Variants in FCRL5 observed in about 807,000 individuals in gnomAD.
FCRL5 encodes the protein Fc receptor-like protein 5.
A neutral mutation model predicts 92.1 loss-of-function variants in FCRL5; 79 were observed. The observed-to-expected ratio is 0.86, with a 90% CI of 0.72 to 1.03. FCRL5 has a LOEUF of 1.03. Ranked by LOEUF, FCRL5 falls within the 50% of genes least tolerant of loss-of-function variation. The pLI, the probability that FCRL5 is intolerant of heterozygous loss-of-function variation, is 0.00. For synonymous variants in FCRL5, 466 were observed against 469.3 expected (o/e 0.99, Z 0.09); for missense variants, 1,160 against 1,181.1 (o/e 0.98, Z 0.26).
intron 8 of FCRL5, among the ~76,000 whole-genome samples, chr1:157,530,745 T>A (rs1650660037): frequency 6.6e-6 from 1 of 152,258 alleles, no homozygotes; most frequent in African/African-American, 2.4e-5. Flanking sequence ...TAATGGATGT[T>A]TGGGATGTTG....
At chr1:157,516,145 T>C in intron 15 of FCRL5, 1 of 576,824 alleles carries the variant, frequency 1.7e-6, no homozygotes, top group Non-Finnish European at 3.1e-6. Flanking sequence ...TCATTTGTCT[T>C]TTATCTTGTT....
chr1:157,534,956 G>A lies in FCRL5; in HGVS notation c.1403-64C>T, dbSNP rs1650899492. The A allele has an allele frequency of 1.4e-5, 20 of 1,466,314 alleles. No homozygotes were observed. The South Asian group carries it at 2.7e-4, about 19-fold the overall frequency. 90.8% of individuals were successfully genotyped at this position (1,466,314 alleles called of 1,614,324 possible). ...CTCTTACTGTAGATTTCAACACTTG[G>A]CCAGTGCAGATGCCCAGTCTCCAGT... On this transcript the variant is annotated intron_variant, in intron 7 of 16. Transcript: ENST00000361835.
chr1:157,526,106 A>G (rs1558130102), intron 9 of FCRL5, among the ~76,000 whole-genome samples: 1 of 152,232 alleles, frequency 6.6e-6, no homozygotes, highest in Non-Finnish European at 1.5e-5. Context: ...GTTTTCTATA[A>G]AAGGAGGAGC....
Position 157,515,833 on chromosome 1 carries a change from G to C in FCRL5, c.2844+9C>G. 1 of 1,614,082 alleles carries C rather than the reference G, an allele frequency of 6.2e-7. No individual in the cohort carries two copies. Among genetic ancestry groups the C allele is most frequent in the Non-Finnish European group, 8.5e-7 (1 of 1,180,010 alleles). ...GGGTGGGGGAGGGCATGCAGAAGGG[G>C]AGACTCACCTTGTTCCTGAGATGCC... On this transcript the variant is annotated intron_variant, in intron 16 of 16. Coordinates refer to ENST00000361835, the MANE Select transcript of FCRL5 (RefSeq NM_031281.3).
At chr1:157,518,326 G>GC (rs1441303023) in intron 15 of FCRL5, 103 bp downstream of exon 15, 1 of 962,616 alleles carries the variant, frequency 1.0e-6, no homozygotes, top group African/African-American at 1.6e-5. Flanking sequence ...AGTGGGAGGG[G>GC]CGGCTCTATG....
intron 3 of FCRL5, 35 bp from the exon 4 acceptor site, chr1:157,545,117 C>A: frequency 6.3e-7 from 1 of 1,581,854 alleles, no homozygotes; most frequent in Non-Finnish European, 8.5e-7. Flanking sequence ...TTGGTTCATC[C>A]TACTGTTTCC....
Position 157,543,086 on chromosome 1 carries a change from A to C in FCRL5, c.896T>G (p.Phe299Cys), listed in dbSNP as rs1235051338. 2.5e-6 allele frequency: 4 copies of C among 1,614,102 alleles called. No homozygotes were observed. The highest frequency in any genetic ancestry group is 3.4e-6 in the Non-Finnish European group (4 of 1,180,038). Residue 299 changes from phenylalanine to cysteine, a missense_variant, in exon 6 of 17, where the codon TTT becomes TGT. Coordinates refer to ENST00000361835, the MANE Select transcript of FCRL5 (RefSeq NM_031281.3). ...GTGAAGTGTCACCTTGGTTCCCTCA[A>C]AATTCAGAGCCTTTTCAGGGCTGAG... ...LTLSPEKALN[F>C]EGTKVTLHCE...
At chr1:157,524,596 T>C in intron 9 of FCRL5, 39 bp from the exon 10 acceptor site, 5 of 1,529,448 alleles carry the variant, frequency 3.3e-6, no homozygotes, top group South Asian at 2.6e-5. Context: ...CTGCTTCTGC[T>C]AAAATATATT....
intron 6 of FCRL5, 70 bp from the exon 7 acceptor site, chr1:157,539,434 A>G: frequency 7.0e-7 from 1 of 1,435,894 alleles, no homozygotes; most frequent in Non-Finnish European, 9.3e-7. Flanking sequence ...AAGGAAAATA[A>G]ATCTTGGGAA....
chr1:157,543,773 A>G (rs1651385031), intron 5 of FCRL5, among the ~76,000 whole-genome samples: 1 of 152,222 alleles, frequency 6.6e-6, no homozygotes, highest in Non-Finnish European at 1.5e-5. Flanking sequence ...TCTGGGGTGC[A>G]TATTTGTACT....
chr1:157,540,354 T>G (rs1468731307), intron 6 of FCRL5, among the ~76,000 whole-genome samples: 1 of 152,212 alleles, frequency 6.6e-6, no homozygotes, highest in Non-Finnish European at 1.5e-5. Flanking sequence ...CATCAGCTCC[T>G]CACTCTGACC....
At chr1:157,528,039 T>C in intron 8 of FCRL5, 144 bp from the exon 9 acceptor site, 1 of 931,418 alleles carries the variant, frequency 1.1e-6, no homozygotes, top group South Asian at 2.4e-5. Context: ...TGCTGTTCAC[T>C]GATGACATGA....
At chr1:157,539,682 A>C (rs1205470540) in intron 6 of FCRL5, among the ~76,000 whole-genome samples, 1 of 152,238 alleles carries the variant, frequency 6.6e-6, no homozygotes, top group East Asian at 1.9e-4. Context: ...GATTTTCACA[A>C]GTGCAGGACA....
At chr1:157,532,670 A>G (rs1650753301) in intron 8 of FCRL5, 1 of 152,140 alleles carries the variant, frequency 6.6e-6, no homozygotes, top group South Asian at 2.1e-4. Flanking sequence ...TCTACACAAT[A>G]TTCTCACTTG....
intron 4 of FCRL5, 98 bp from the exon 5 acceptor site, chr1:157,544,644 G>T: frequency 6.8e-7 from 1 of 1,477,866 alleles, no homozygotes. Context: ...AGCAGGCAAA[G>T]AAAGGAATGC....
chr1:157,530,527 C>T (rs377238851), intron 8 of FCRL5, among the ~76,000 whole-genome samples: 3 of 152,256 alleles, frequency 2.0e-5, no homozygotes, highest in South Asian at 2.1e-4. Flanking sequence ...CGACCATACC[C>T]GGCTAATTTT....
In FCRL5 at chr1:157,518,755, C is replaced by G. The variant is rs371149687; in HGVS notation, c.2688G>C (p.Glu896Asp). The G allele has an allele frequency of 1.9e-6, 3 of 1,613,384 alleles. No homozygotes were observed. The highest frequency in any genetic ancestry group is 1.3e-5 in the African/African-American group (1 of 74,998). ...ARSPSDSDSQEPTYHNVPAWE... is the reference protein window; with the variant it reads ...ARSPSDSDSQDPTYHNVPAWE... ...AGGCTGGTACATTGTGATAGGTGGG[C>G]TCTTGGGAGTCCGAGTCTGAAGGGC... is the stretch of plus-strand genomic sequence containing the variant. Residue 896 changes from glutamate (E) to aspartate (D), a missense_variant, in exon 14 of 17, where the codon GAG (glutamate) becomes GAC (aspartate). Transcript: ENST00000361835.
In FCRL5 at chr1:157,552,495, A is replaced by G. The variant is rs903552415; in HGVS notation, c.-133T>C. ...GCACATCTGAGAAGCTGTGCTCTCA[A>G]AAAGAGCAGAATGCATTAGTGAATT... is the stretch of plus-strand genomic sequence containing the variant. On this transcript the variant is annotated 5_prime_UTR_variant, in exon 1 of 17. Coordinates refer to ENST00000361835, the MANE Select transcript of FCRL5 (RefSeq NM_031281.3). The G allele has an allele frequency of 3.4e-6, 3 of 876,552 alleles. No individual in the cohort carries two copies. In the African/African-American group the frequency reaches 5.0e-5, roughly 15 times the overall value. 54.3% of individuals were successfully genotyped at this position (876,552 alleles called of 1,614,324 possible). A position where few individuals can be genotyped will look rare whatever the true frequency, so the allele number is the denominator to read the frequency against.
intron 8 of FCRL5, 197 bp from the exon 9 acceptor site, chr1:157,528,092 T>G: frequency 2.0e-6 from 1 of 501,142 alleles, no homozygotes; most frequent in South Asian, 6.4e-5. Context: ...AAAAAGCTCC[T>G]AGATCTGATA....
Sources: allele counts gnomAD v4.1 joint callset (sites outside exome capture counted in the v4.1 genomes callset), GRCh38; gene constraint gnomAD v4.1.1; transcripts MANE v1.5; gene names NCBI Gene and HGNC (gene_info 2026-07-23, HGNC 2026-07-21).